NFRKB: variants seen among roughly 807,000 people sequenced by gnomAD.
The protein encoded by NFRKB is nuclear factor related to kappaB binding protein.
NFRKB carries 62 observed loss-of-function variants against 135.7 expected under a neutral mutation model. The observed-to-expected ratio is 0.46, with a 90% CI of 0.37 to 0.56. NFRKB has a LOEUF of 0.56. Among genes scored for constraint, NFRKB ranks in the 20% least tolerant of loss-of-function variants. NFRKB has a pLI of 0.00. For missense variants in NFRKB, 1,545 were observed against 1,662.0 expected (o/e 0.93, Z 1.22); for synonymous variants, 678 against 635.6 (o/e 1.07, Z -1.00).
At chr11:129,894,080 T>A (rs951560123) in intron 2 of NFRKB, 4 of 152,238 alleles carry the variant, frequency 2.6e-5, no homozygotes, top group Non-Finnish European at 4.4e-5. Context: ...AGAACACTGC[T>A]GATCACCTTC....
chr11:129,882,229 A>C lies in NFRKB; in HGVS notation c.1083-35T>G, dbSNP rs751620836. ...GAAGAAAAATATAAGAACCAAAAAG[A>C]CCAAGAACACATCCCTAGATTGATT... On this transcript the variant is annotated intron_variant, in intron 10 of 26. Coordinates refer to ENST00000682444, the MANE Select transcript of NFRKB (RefSeq NM_001143835.2). 1.8e-5 allele frequency: 28 copies of C among 1,553,898 alleles called. No homozygotes were observed. In the South Asian group the frequency reaches 3.3e-4, roughly 18 times the overall value.
At chr11:129,868,540 G>A (rs982957516) in intron 24 of NFRKB, among the ~76,000 whole-genome samples, 1 of 152,130 alleles carries the variant, frequency 6.6e-6, no homozygotes, top group Admixed American at 6.5e-5. Context: ...CTCCATGTGC[G>A]CACCCCCAAG....
At chr11:129,876,149 T>C (rs1275301331) in intron 17 of NFRKB, among the ~76,000 whole-genome samples, 1 of 152,246 alleles carries the variant, frequency 6.6e-6, no homozygotes, top group Non-Finnish European at 1.5e-5. Context: ...ATATTACAGC[T>C]ACTGCAGATA....
rs377668900 is a variant in NFRKB, at chr11:129,877,373, A to G, written c.1524T>C (p.Tyr508=). The G allele has an allele frequency of 1.5e-5, 25 of 1,614,062 alleles. No individual in the cohort carries two copies. In the African/African-American group the frequency reaches 2.9e-4, roughly 19 times the overall value. Residue 508 remains tyrosine (Y), a synonymous_variant, in exon 16 of 27, where the codon TAT becomes TAC. Coordinates refer to ENST00000682444, the MANE Select transcript of NFRKB (RefSeq NM_001143835.2). The stretch of plus-strand genomic sequence containing the variant: ...CCTCCCCCGTGCTGGGACGCACCAC[A>G]TAGTCAGTTCTTCTGGAATATAAAG... ...TTPVPRVRTD[Y]VVRPSTGEEK...
chr11:129,882,057 T>G (rs375857168), intron 11 of NFRKB, 29 bp downstream of exon 11: 1 of 1,565,934 alleles, frequency 6.4e-7, no homozygotes, highest in Non-Finnish European at 8.7e-7. Flanking sequence ...AAAACTCTAA[T>G]GTACCTCCAA....
intron 3 of NFRKB, 58 bp from the exon 4 acceptor site, chr11:129,888,853 T>C: frequency 2.3e-6 from 3 of 1,277,952 alleles, no homozygotes; most frequent in Non-Finnish European, 3.3e-6. Context: ...TTTTTGTATG[T>C]ATGCGTATAC....
At chr11:129,892,121 T>C (rs948947232) in intron 3 of NFRKB, among the ~76,000 whole-genome samples, 1 of 152,174 alleles carries the variant, frequency 6.6e-6, no homozygotes, top group Non-Finnish European at 1.5e-5. Flanking sequence ...GTGAGTTCTT[T>C]AGTGGTTATT....
At chr11:129,877,637 A>C (rs1414613453) in intron 15 of NFRKB, among the ~76,000 whole-genome samples, 1 of 152,210 alleles carries the variant, frequency 6.6e-6, no homozygotes, top group African/African-American at 2.4e-5. Flanking sequence ...GACATCTTTA[A>C]CTACTGCTTT....
rs1948882259 is a variant in NFRKB at position 129,878,555 on chromosome 11, A to AT, written c.1385-13dup. The AT allele has an allele frequency of 6.2e-7, 1 of 1,603,828 alleles. No individual in the cohort carries two copies. The highest frequency in any genetic ancestry group is 1.7e-5 in the Admixed American group (1 of 59,226). On this transcript the variant is annotated splice_polypyrimidine_tract_variant and intron_variant, in intron 13 of 26. Transcript: ENST00000682444. The stretch of plus-strand genomic sequence containing the variant: ...ATCTTGGGATTGGCCTATTAGAGGA[A>AT]TAAAGAGATAAAAAAATAAGAAGGT...
intron 3 of NFRKB, among the ~76,000 whole-genome samples, chr11:129,889,951 C>CATGTGTGTGTGTGT (rs112601207): frequency 7.4e-6 from 1 of 135,286 alleles, no homozygotes; most frequent in African/African-American, 2.8e-5. Context: ...TATTGTCTTA[C>CATGTGTGTGTGTGT]GTGTGTGTGT....
chr11:129,893,849 G>A (rs1565430512), intron 2 of NFRKB: 1 of 152,358 alleles, frequency 6.6e-6, no homozygotes, highest in African/African-American at 2.4e-5. Flanking sequence ...GCAAACCCAT[G>A]TGCTTAATGC....
In NFRKB at chr11:129,869,979, G is replaced by T. The variant is rs777796182; in HGVS notation, c.3046C>A (p.Pro1016Thr). 1 of 1,614,254 alleles carries T rather than the reference G, an allele frequency of 6.2e-7. No homozygotes were observed. Among genetic ancestry groups the T allele is most frequent in the Non-Finnish European group, 8.5e-7 (1 of 1,180,044 alleles). ...ISATLHVTSNPVHAADSPAKA... is the reference protein window; with the variant it reads ...ISATLHVTSNTVHAADSPAKA... ...GCAGGGCTATCAGCTGCATGTACTGGATTGGAAGTGACGTGTAAGGTGGCA... is the reference window on the plus strand; with the variant it reads ...GCAGGGCTATCAGCTGCATGTACTGTATTGGAAGTGACGTGTAAGGTGGCA... The change falls in exon 24 of 27, where the codon CCA becomes ACA. Residue 1016 changes from proline to threonine, a missense_variant. Coordinates refer to ENST00000682444, the MANE Select transcript of NFRKB (RefSeq NM_001143835.2).
intron 17 of NFRKB, 30 bp downstream of exon 17, chr11:129,876,691 G>C (rs1002349534): frequency 4.2e-5 from 68 of 1,601,420 alleles, no homozygotes; most frequent in Non-Finnish European, 5.6e-5. Flanking sequence ...TGAAGAAAGG[G>C]ATCTCTGATA....
At chr11:129,892,609 C>A (rs747304548) in intron 3 of NFRKB, 106 bp downstream of exon 3, 12 of 1,221,706 alleles carry the variant, frequency 9.8e-6, no homozygotes, top group Non-Finnish European at 1.3e-5. Flanking sequence ...AGAAAATGAA[C>A]AAAAGGGAGC....
chr11:129,894,647 G>A (rs1047545585), intron 1 of NFRKB, among the ~76,000 whole-genome samples: 23 of 152,228 alleles, frequency 1.5e-4, no homozygotes, highest in African/African-American at 5.3e-4. Context: ...GTCAAGTCAC[G>A]TGGGTGGTCC....
chr11:129,865,918 G>A lies in NFRKB; in HGVS notation c.3597C>T (p.Ser1199=), dbSNP rs145983657. 88 of 1,613,774 alleles carry A rather than the reference G, an allele frequency of 5.5e-5. No homozygotes were observed. The highest frequency in any genetic ancestry group is 6.9e-5 in the Non-Finnish European group (81 of 1,179,956). ...CTTTGATGATGGGGGCTGTGACCAC[G>A]CTCTTGCCCTTCATTGGCTGGCTGA... ...SVISQPMKGK[S]VVTAPIIKGN... The change falls in exon 25 of 27, where the codon AGC becomes AGT. Residue 1199 remains serine, a synonymous_variant. Coordinates refer to ENST00000682444, the MANE Select transcript of NFRKB (RefSeq NM_001143835.2).
intron 23 of NFRKB, 37 bp downstream of exon 23, chr11:129,872,847 G>T: frequency 6.5e-7 from 1 of 1,550,360 alleles, no homozygotes. Context: ...GCTCCAGGAT[G>T]AAGGATTGAG....
chr11:129,884,426 G>C (rs1390532200), intron 7 of NFRKB, among the ~76,000 whole-genome samples: 1 of 152,188 alleles, frequency 6.6e-6, no homozygotes, highest in Non-Finnish European at 1.5e-5. Flanking sequence ...ACACTCTGGA[G>C]AACGGCTTGG....
chr11:129,881,201 C>G (rs955184099), intron 13 of NFRKB, among the ~76,000 whole-genome samples: 18 of 152,272 alleles, frequency 1.2e-4, no homozygotes, highest in African/African-American at 4.3e-4. Context: ...TAGCCATCAC[C>G]AGACTACATC....
Sources: gnomAD v4.1 joint callset for allele counts (sites outside exome capture counted in the v4.1 genomes callset) on GRCh38, gnomAD v4.1.1 for gene constraint, MANE v1.5 for transcripts, NCBI Gene and HGNC (gene_info 2026-07-23, HGNC 2026-07-21) for gene names.